MYO5A: variants seen among roughly 807,000 people sequenced by gnomAD.
The protein encoded by MYO5A is unconventional myosin-Va.
In MYO5A, 98 loss-of-function variants were observed where a neutral mutation model predicts 249.7. The ratio of observed to expected loss-of-function variants is 0.39; its 90% CI spans 0.33 to 0.46. MYO5A has a LOEUF of 0.46. Ranked by LOEUF, MYO5A falls within the 20% of genes least tolerant of loss-of-function variation. The probability of loss-of-function intolerance (pLI) is 0.98; values close to 1 mark genes in which losing one functional copy is unlikely to be tolerated. For synonymous variants in MYO5A, 778 were observed against 810.6 expected, an observed-to-expected ratio of 0.96 and a Z score of 0.68; for missense variants, 1,696 against 2,308.8, an observed-to-expected ratio of 0.73 and a Z score of 5.44.
intron 28 of MYO5A, among the ~76,000 whole-genome samples, chr15:52,349,088 T>G (rs556336481): frequency 6.6e-6 from 1 of 152,212 alleles, no homozygotes; most frequent in Admixed American, 6.5e-5. Flanking sequence ...ATTGTTTTGA[T>G]TTTTCTGGTT....
rs536198573 is a variant in MYO5A, at chr15:52,416,700, T to C, written c.456-399A>G. 1.3e-3 allele frequency among the ~76,000 whole-genome samples: 193 copies of C among 152,338 alleles called. 1 individual carries two copies. Among genetic ancestry groups the C allele is most frequent in the South Asian group, 4.4e-3 (21 of 4,826 alleles). The stretch of plus-strand genomic sequence containing the variant: ...GAAACAAAGACAGTTATTCAATTAA[T>C]TGAGACATGCATTACATCATTTCTT... On this transcript the variant is annotated intron_variant, in intron 4 of 41. Transcript: ENST00000399233.
At chr15:52,362,357 T>A (rs558722578) in intron 24 of MYO5A, among the ~76,000 whole-genome samples, 1 of 152,352 alleles carries the variant, frequency 6.6e-6, no homozygotes, top group Non-Finnish European at 1.5e-5. Context: ...AGTCTAATAT[T>A]AGTCAAGTAC....
At chr15:52,379,498 G>A (rs1432589124) in intron 18 of MYO5A, 127 bp downstream of exon 18, 4 of 789,882 alleles carry the variant, frequency 5.1e-6, no homozygotes, top group Non-Finnish European at 6.6e-6. Context: ...ACAGTAGTGT[G>A]CCCCTCTCTG....
chr15:52,350,891 A>T (rs757076094), intron 28 of MYO5A, among the ~76,000 whole-genome samples: 51 of 152,200 alleles, frequency 3.4e-4, no homozygotes, highest in Non-Finnish European at 6.5e-4. Context: ...ATTTTTGACA[A>T]ATGATTTTAA....
At chr15:52,467,661 G>A (rs1406504540) in intron 1 of MYO5A, among the ~76,000 whole-genome samples, 1 of 152,108 alleles carries the variant, frequency 6.6e-6, no homozygotes, top group Admixed American at 6.6e-5. Flanking sequence ...TCCAGCTACA[G>A]GAGGCCCAGC....
chr15:52,472,184 T>G (rs890931684), intron 1 of MYO5A, among the ~76,000 whole-genome samples: 1 of 151,908 alleles, frequency 6.6e-6, no homozygotes, highest in Non-Finnish European at 1.5e-5. Context: ...GTTCACACCA[T>G]TCTTCTGCCT....
intron 13 of MYO5A, among the ~76,000 whole-genome samples, chr15:52,389,016 G>A (rs1227325213): frequency 6.6e-6 from 1 of 151,748 alleles, no homozygotes; most frequent in East Asian, 1.9e-4. Flanking sequence ...ACAGTTTACA[G>A]AGATTCCTGG....
Position 52,376,568 on chromosome 15 carries a change from G to T in MYO5A, c.2209-10C>A, listed in dbSNP as rs767359385. On this transcript the variant is annotated splice_polypyrimidine_tract_variant and intron_variant, in intron 18 of 41. Transcript: ENST00000399233. ...GGTATTTGTCCTTGTCCTATTTTTG[G>T]AAGAAATTGTATATTCAGAAATAAT... 3 of 1,609,358 alleles carry T rather than the reference G, an allele frequency of 1.9e-6. No individual in the cohort carries two copies. Among genetic ancestry groups the T allele is most frequent in the Non-Finnish European group, 2.6e-6 (3 of 1,175,806 alleles).
chr15:52,528,904 A>C (rs2077774969), upstream of MYO5A: 1 of 1,215,558 alleles, frequency 8.2e-7, no homozygotes, highest in East Asian at 3.7e-5. Flanking sequence ...AGCCGCCGGC[A>C]GGGAGCAGGG....
chr15:52,369,168 A>T (rs540643657), intron 22 of MYO5A, among the ~76,000 whole-genome samples: 160 of 152,226 alleles, frequency 1.1e-3, no homozygotes, highest in African/African-American at 3.8e-3. Context: ...GAAGGACTGC[A>T]ATTTTACCAG....
chr15:52,518,658 C>T (rs542219621), intron 1 of MYO5A, among the ~76,000 whole-genome samples: 2 of 152,130 alleles, frequency 1.3e-5, no homozygotes, highest in Non-Finnish European at 2.9e-5. Flanking sequence ...AAGGTGAGAT[C>T]ATATCTTTAA....
At chr15:52,475,081 T>C (rs1444920681) in intron 1 of MYO5A, among the ~76,000 whole-genome samples, 2 of 152,226 alleles carry the variant, frequency 1.3e-5, no homozygotes, top group Non-Finnish European at 2.9e-5. Flanking sequence ...TATTGGTCTA[T>C]TCAGGGATTC....
chr15:52,426,036 A>C, intron 3 of MYO5A, 62 bp from the exon 4 acceptor site: 3 of 1,427,472 alleles, frequency 2.1e-6, no homozygotes, highest in Non-Finnish European at 2.9e-6. Flanking sequence ...TGGGCATATC[A>C]AACTTAGTAA....
chr15:52,346,394 G>C lies in MYO5A; in HGVS notation c.3926C>G (p.Ala1309Gly). The C allele has an allele frequency of 6.2e-7, 1 of 1,605,792 alleles. No homozygotes were observed. Among genetic ancestry groups the C allele is most frequent in the South Asian group, 1.1e-5 (1 of 90,762 alleles). Reference sequence around the variant, plus strand: ...TTCTTTCAAACCAATGTATGCTTGTGCTATTTCACCTTTATCTTTCATTTT... The same window carrying C: ...TTCTTTCAAACCAATGTATGCTTGTCCTATTTCACCTTTATCTTTCATTTT... ...VQKMKDKGEIAQAYIGLKETN... is the reference protein window; with the variant it reads ...VQKMKDKGEIGQAYIGLKETN... Residue 1309 changes from alanine (A) to glycine (G), a missense_variant, in exon 30 of 42, where the codon GCA becomes GGA. By Grantham distance (60) the Ala-to-Gly change is moderately conservative (BLOSUM62 0). Coordinates refer to ENST00000399233, the MANE Select transcript of MYO5A (RefSeq NM_001382347.1).
In MYO5A at chr15:52,311,974, C is replaced by T. The variant is rs1404188698; in HGVS notation, c.*1722G>A. ...CATCTAACAGTTAAATTTATATAAC[C>T]TATGATTGTAATTCAGAACCAGAGT... On this transcript the variant is annotated 3_prime_UTR_variant, in exon 42 of 42. Transcript: ENST00000399233. 1 of 152,330 alleles carries T rather than the reference C, an allele frequency of 6.6e-6. No individual in the cohort carries two copies. Among genetic ancestry groups the T allele is most frequent in the Non-Finnish European group, 1.5e-5 (1 of 68,002 alleles). The allele number at this position is 152,330 out of a possible 1,614,324, so 9.4% of individuals were successfully genotyped here. A position where few individuals can be genotyped will look rare whatever the true frequency, so the allele number is the denominator to read the frequency against.
At chr15:52,398,806 T>C (rs1453194521) in intron 9 of MYO5A, among the ~76,000 whole-genome samples, 1 of 152,114 alleles carries the variant, frequency 6.6e-6, no homozygotes, top group Non-Finnish European at 1.5e-5. Context: ...CTGGCCAACA[T>C]GGTGAAACCC....
chr15:52,386,392 C>CA (rs1225224953), intron 14 of MYO5A, among the ~76,000 whole-genome samples: 9 of 152,038 alleles, frequency 5.9e-5, no homozygotes, highest in African/African-American at 2.2e-4. Context: ...ATTACTTTGA[C>CA]AAAGTAATAA....
chr15:52,362,453 G>GT (rs1273424090), intron 24 of MYO5A, among the ~76,000 whole-genome samples: 1 of 152,162 alleles, frequency 6.6e-6, no homozygotes, highest in Non-Finnish European at 1.5e-5. Context: ...AAAAGATCAA[G>GT]TTTTTTATTC....
At chr15:52,443,232 T>C (rs2075820406) in intron 1 of MYO5A, among the ~76,000 whole-genome samples, 1 of 152,148 alleles carries the variant, frequency 6.6e-6, no homozygotes, top group South Asian at 2.1e-4. Flanking sequence ...AGTGTTCCAA[T>C]GAGCTCTGAC....
Sources: gnomAD v4.1 joint callset for allele counts (sites outside exome capture counted in the v4.1 genomes callset) on GRCh38, gnomAD v4.1.1 for gene constraint, MANE v1.5 for transcripts, NCBI Gene and HGNC (gene_info 2026-07-23, HGNC 2026-07-21) for gene names.